Variants in KAZN observed in about 807,000 individuals in gnomAD.
The protein encoded by KAZN is kazrin.
In KAZN, 40 loss-of-function variants were observed where a neutral mutation model predicts 87.4. That is an observed-to-expected ratio of 0.46 (90% CI 0.36 to 0.60). The LOEUF is 0.60. Ranked by LOEUF, KAZN falls within the 20% of genes least tolerant of loss-of-function variation. The pLI is 0.00. For missense variants in KAZN, 898 were observed against 1,073.9 expected (o/e 0.84, Z 2.29); for synonymous variants, 466 against 458.3 (o/e 1.02, Z -0.22).
intron 1 of KAZN, among the ~76,000 whole-genome samples, chr1:14,601,809 G>A (rs1046896322): frequency 1.3e-5 from 2 of 152,156 alleles, no homozygotes; most frequent in Non-Finnish European, 2.9e-5. Context: ...TCAAATCAAG[G>A]TTTTGAATAA....
chr1:14,129,568 G>GTGC (rs1197667935), intron 1 of KAZN, among the ~76,000 whole-genome samples: 1 of 152,234 alleles, frequency 6.6e-6, no homozygotes, highest in Non-Finnish European at 1.5e-5. Flanking sequence ...CTGTGGGGCT[G>GTGC]TGCTGCGTCT....
At chr1:14,829,115 T>C (rs1357816753) in intron 1 of KAZN, among the ~76,000 whole-genome samples, 1 of 152,148 alleles carries the variant, frequency 6.6e-6, no homozygotes, top group Admixed American at 6.5e-5. Context: ...GGGGCTCTGT[T>C]AGCAGGAAAG....
intron 4 of KAZN, among the ~76,000 whole-genome samples, chr1:15,055,696 A>C (rs1674875550): frequency 6.6e-6 from 1 of 152,134 alleles, no homozygotes; most frequent in Non-Finnish European, 1.5e-5. Flanking sequence ...CCCACTATAT[A>C]AGATGGGGAG....
chr1:14,137,443 G>A (rs1645132168), intron 1 of KAZN, among the ~76,000 whole-genome samples: 2 of 152,158 alleles, frequency 1.3e-5, no homozygotes, highest in South Asian at 4.1e-4. Context: ...GACTCACAGG[G>A]TTGACTCTGT....
At chr1:14,164,641 A>G (rs147697937) in intron 1 of KAZN, among the ~76,000 whole-genome samples, 2,289 of 150,086 alleles carry the variant, frequency 0.015, 37 homozygotes, top group Non-Finnish European at 0.024. Context: ...CCTGGGTTCA[A>G]GCGATTCTCC....
chr1:13,972,783 T>G (rs1642184121), intron 1 of KAZN, among the ~76,000 whole-genome samples: 1 of 152,222 alleles, frequency 6.6e-6, no homozygotes, highest in South Asian at 2.1e-4. Context: ...TTGCTTGAAC[T>G]TACTGTGTGT....
chr1:14,767,980 G>A (rs2100578107), intron 1 of KAZN, among the ~76,000 whole-genome samples: 1 of 152,286 alleles, frequency 6.6e-6, no homozygotes, highest in Non-Finnish European at 1.5e-5. Flanking sequence ...CAAACTAAGG[G>A]CCAGGTTCAG....
At chr1:14,446,174 C>A (rs1010504613) in intron 2 of KAZN, among the ~76,000 whole-genome samples, 1 of 152,030 alleles carries the variant, frequency 6.6e-6, no homozygotes, top group Non-Finnish European at 1.5e-5. Flanking sequence ...CCAGCCTGGG[C>A]CACAGAGCAA....
intron 2 of KAZN, among the ~76,000 whole-genome samples, chr1:14,267,743 G>A (rs555123754): frequency 7.2e-5 from 11 of 152,236 alleles, no homozygotes; most frequent in Non-Finnish European, 1.3e-4. Flanking sequence ...TGAGGCGGGC[G>A]GATCACTTGA....
At chr1:13,906,598 C>A (rs555761129) in intron 1 of KAZN, among the ~76,000 whole-genome samples, 1 of 152,142 alleles carries the variant, frequency 6.6e-6, no homozygotes, top group South Asian at 2.1e-4. Flanking sequence ...TATGTGTGAT[C>A]GACCTTGGTT....
At chr1:14,513,373 T>A (rs1425245120) in intron 2 of KAZN, among the ~76,000 whole-genome samples, 1 of 152,216 alleles carries the variant, frequency 6.6e-6, no homozygotes, top group Non-Finnish European at 1.5e-5. Flanking sequence ...GATAGACTTC[T>A]GTTTAAACCT....
chr1:14,677,525 T>A lies in KAZN; in HGVS notation c.226+78302T>A, dbSNP rs12024180. Among the ~76,000 whole-genome samples, 371 of 151,848 alleles carry A rather than the reference T, an allele frequency of 2.4e-3. 8 individuals carry two copies. The East Asian group carries it at 0.058, about 24-fold the overall frequency. ...AGTGGACTCCAAGAATTCTGAGAGGTGATGACAGACTCTAAGACACCCCAG... is the reference window on the plus strand; with the variant it reads ...AGTGGACTCCAAGAATTCTGAGAGGAGATGACAGACTCTAAGACACCCCAG... On this transcript the variant is annotated intron_variant, in intron 1 of 14. Coordinates refer to ENST00000376030, the MANE Select transcript of KAZN (RefSeq NM_201628.3).
At chr1:14,614,724 A>C (rs1678086491) in intron 1 of KAZN, among the ~76,000 whole-genome samples, 1 of 152,250 alleles carries the variant, frequency 6.6e-6, no homozygotes, top group South Asian at 2.1e-4. Flanking sequence ...TGTCATTTGA[A>C]TACAACCCAG....
chr1:14,052,086 C>T (rs893349564), intron 1 of KAZN, among the ~76,000 whole-genome samples: 3 of 152,168 alleles, frequency 2.0e-5, no homozygotes, highest in African/African-American at 4.8e-5. Context: ...GGAGAATACG[C>T]TCCTTGATTC....
At chr1:15,027,677 G>T (rs1049324283) in intron 2 of KAZN, among the ~76,000 whole-genome samples, 1 of 152,174 alleles carries the variant, frequency 6.6e-6, no homozygotes, top group East Asian at 1.9e-4. Flanking sequence ...AGAAAGGGGG[G>T]CCCCCTGCTG....
Position 15,030,112 on chromosome 1 carries a change from TACTC to T in KAZN, c.419-4634_419-4631del, listed in dbSNP as rs1671538808. On this transcript the variant is annotated intron_variant, in intron 2 of 14. Coordinates refer to ENST00000376030, the MANE Select transcript of KAZN (RefSeq NM_201628.3). ...CCTCTGTGAGATGGGATGATAAAAA[TACTC>T]ACCCATGCACCTGCCTCTCCTAGGA... is the stretch of plus-strand genomic sequence containing the variant. 3.3e-5 allele frequency among the ~76,000 whole-genome samples: 5 copies of T among 152,062 alleles called. No individual in the cohort carries two copies. In the South Asian group the frequency reaches 8.3e-4, roughly 25 times the overall value.
chr1:14,264,768 A>C (rs1651344295), intron 2 of KAZN, among the ~76,000 whole-genome samples: 1 of 152,252 alleles, frequency 6.6e-6, no homozygotes, highest in Non-Finnish European at 1.5e-5. Flanking sequence ...AGTACCTTTC[A>C]TGCTTCAAAT....
intron 2 of KAZN, among the ~76,000 whole-genome samples, chr1:14,486,872 A>G (rs559795968): frequency 6.6e-6 from 1 of 152,346 alleles, no homozygotes; most frequent in East Asian, 1.9e-4. Context: ...CCTCGAGCCT[A>G]AATTCCTTGG....
intron 1 of KAZN, among the ~76,000 whole-genome samples, chr1:14,903,577 G>GT (rs1656172091): frequency 6.6e-6 from 1 of 152,210 alleles, no homozygotes; most frequent in Admixed American, 6.5e-5. Flanking sequence ...GGCCGAGAAT[G>GT]TAAGGCCGGG....
Sources: allele counts gnomAD v4.1 joint callset (sites outside exome capture counted in the v4.1 genomes callset), GRCh38; gene constraint gnomAD v4.1.1; transcripts MANE v1.5; gene names NCBI Gene and HGNC (gene_info 2026-07-23, HGNC 2026-07-21).